The following SRPK1 variants were observed in gnomAD, a reference collection of about 807,000 sequenced individuals.
SRPK1 encodes SFRS protein kinase 1.
SRPK1 carries 52 observed loss-of-function variants against 89.5 expected under a neutral mutation model. The observed-to-expected ratio is 0.58, with a 90% CI of 0.46 to 0.73. The LOEUF (loss-of-function observed/expected upper bound fraction) is 0.73. Among genes scored for constraint, SRPK1 ranks in the 30% least tolerant of loss-of-function variants. The pLI is 0.00. For synonymous variants in SRPK1, 255 were observed against 270.2 expected (o/e 0.94, Z 0.55); for missense variants, 603 against 780.6 (o/e 0.77, Z 2.71).
chr6:35,851,977 G>C (rs1435901411), intron 13 of SRPK1, among the ~76,000 whole-genome samples: 1 of 152,198 alleles, frequency 6.6e-6, no homozygotes, highest in Non-Finnish European at 1.5e-5. Context: ...CCAACATACA[G>C]TTATATGAAC....
intron 4 of SRPK1, 43 bp downstream of exon 4, chr6:35,888,769 TTAG>T: frequency 8.2e-7 from 1 of 1,219,362 alleles, no homozygotes; most frequent in Non-Finnish European, 1.2e-6. Flanking sequence ...ACAAACACAT[TTAG>T]ACATCATCTA....
intron 12 of SRPK1, among the ~76,000 whole-genome samples, chr6:35,860,909 T>C (rs1037688468): frequency 2.6e-5 from 4 of 151,860 alleles, no homozygotes; most frequent in Non-Finnish European, 2.9e-5. Context: ...CTTAAAGAAA[T>C]TGAAGGAGTT....
At chr6:35,909,749 T>C (rs1007491558) in intron 2 of SRPK1, among the ~76,000 whole-genome samples, 1 of 152,186 alleles carries the variant, frequency 6.6e-6, no homozygotes, top group African/African-American at 2.4e-5. Flanking sequence ...CCTGATGGTT[T>C]TGAAGTGTGG....
intron 2 of SRPK1, among the ~76,000 whole-genome samples, chr6:35,894,712 T>C (rs1485944481): frequency 1.3e-5 from 2 of 152,020 alleles, no homozygotes; most frequent in Admixed American, 6.6e-5. Flanking sequence ...TAAAAGACAA[T>C]GAGGCAATGA....
intron 12 of SRPK1, among the ~76,000 whole-genome samples, chr6:35,866,047 T>C (rs1035243746): frequency 1.4e-5 from 2 of 147,926 alleles, no homozygotes; most frequent in South Asian, 4.3e-4. Flanking sequence ...CATTAAAAGG[T>C]AGACTAAGGA....
intron 2 of SRPK1, among the ~76,000 whole-genome samples, chr6:35,909,344 T>C (rs1184407149): frequency 6.6e-6 from 1 of 152,246 alleles, no homozygotes; most frequent in South Asian, 2.1e-4. Context: ...TGTAGCCCCT[T>C]TGTTTTGGAC....
At chr6:35,851,640 T>C (rs1300139692) in intron 13 of SRPK1, among the ~76,000 whole-genome samples, 1 of 152,014 alleles carries the variant, frequency 6.6e-6, no homozygotes, top group African/African-American at 2.4e-5. Flanking sequence ...ATGTGTAGGG[T>C]GAAACAAGCA....
chr6:35,885,298 CAGAG>C (rs138504486), intron 6 of SRPK1, among the ~76,000 whole-genome samples: 12,100 of 111,198 alleles, frequency 0.11, 749 homozygotes, highest in Non-Finnish European at 0.16. Flanking sequence ...CACACACACA[CAGAG>C]AGAGAGAGAG....
chr6:35,854,002 G>A (rs1373288258), intron 13 of SRPK1, among the ~76,000 whole-genome samples: 1 of 151,770 alleles, frequency 6.6e-6, no homozygotes, highest in Non-Finnish European at 1.5e-5. Context: ...CCAGGCTGGG[G>A]TGCAGTGGTG....
At chr6:35,889,928 G>A (rs2127257826) in intron 3 of SRPK1, among the ~76,000 whole-genome samples, 1 of 147,942 alleles carries the variant, frequency 6.8e-6, no homozygotes, top group Middle Eastern at 3.4e-3. Context: ...GAAACCCTGT[G>A]TCTACTAAAA....
chr6:35,907,698 T>C (rs1357581598), intron 2 of SRPK1, among the ~76,000 whole-genome samples: 1 of 144,330 alleles, frequency 6.9e-6, no homozygotes, highest in Non-Finnish European at 1.5e-5. Flanking sequence ...AGAACAAAAC[T>C]CCGTCTCAAA....
intron 6 of SRPK1, among the ~76,000 whole-genome samples, chr6:35,878,020 A>C (rs1429578385): frequency 1.3e-5 from 2 of 152,226 alleles, no homozygotes; most frequent in Admixed American, 1.3e-4. Context: ...AAAATAATCC[A>C]AACAAACAAA....
chr6:35,877,125 G>A (rs1290555794), intron 6 of SRPK1, among the ~76,000 whole-genome samples: 1 of 152,190 alleles, frequency 6.6e-6, no homozygotes, highest in Non-Finnish European at 1.5e-5. Flanking sequence ...TTGGAACAGT[G>A]CCTGTTCCCA....
intron 6 of SRPK1, among the ~76,000 whole-genome samples, chr6:35,882,020 A>G (rs12664440): frequency 0.033 from 4,949 of 151,592 alleles, 97 homozygotes; most frequent in Middle Eastern, 0.065. Context: ...TAAAGAAAAA[A>G]TTAGACCAAA....
intron 12 of SRPK1, 54 bp from the exon 13 acceptor site, chr6:35,857,422 C>A: frequency 7.5e-7 from 1 of 1,335,684 alleles, no homozygotes; most frequent in South Asian, 1.3e-5. Flanking sequence ...AGTAACAAGT[C>A]AATACTGCTT....
chr6:35,857,693 C>A (rs1769694168), intron 12 of SRPK1, among the ~76,000 whole-genome samples: 1 of 152,176 alleles, frequency 6.6e-6, no homozygotes, highest in Non-Finnish European at 1.5e-5. Context: ...GACTCAAACT[C>A]CTGGGCTCAA....
intron 2 of SRPK1, chr6:35,920,087 T>C (rs1771196380): frequency 2.2e-6 from 1 of 464,864 alleles, no homozygotes; most frequent in Non-Finnish European, 4.3e-6. Context: ...GGAGGCAAGT[T>C]AAGACGTTGG....
intron 6 of SRPK1, among the ~76,000 whole-genome samples, chr6:35,880,369 AG>A (rs1770245771): frequency 6.6e-6 from 1 of 152,086 alleles, no homozygotes; most frequent in Non-Finnish European, 1.5e-5. Context: ...AAGAGGCTTA[AG>A]GGACCTGTGG....
At chr6:35,911,013 T>C (rs994197594) in intron 2 of SRPK1, among the ~76,000 whole-genome samples, 6 of 152,238 alleles carry the variant, frequency 3.9e-5, no homozygotes, top group African/African-American at 7.2e-5. Context: ...CCATGCCTAC[T>C]GACATAACAT....
Sources: allele counts gnomAD v4.1 joint callset (sites outside exome capture counted in the v4.1 genomes callset), GRCh38; gene constraint gnomAD v4.1.1; transcripts MANE v1.5; gene names NCBI Gene and HGNC (gene_info 2026-07-23, HGNC 2026-07-21).